CAPN10: variants seen among roughly 807,000 people sequenced by gnomAD.
CAPN10 encodes calpain-10.
In CAPN10, 71 loss-of-function variants were observed where a neutral mutation model predicts 78.4. The observed-to-expected ratio is 0.91, with a 90% CI of 0.75 to 1.10. The LOEUF is 1.10. Ranked by LOEUF, CAPN10 falls within the 50% of genes least tolerant of loss-of-function variation. CAPN10 has a pLI of 0.00. For synonymous variants in CAPN10, 437 were observed against 407.2 expected (o/e 1.07, Z -0.88); for missense variants, 849 against 924.6 (o/e 0.92, Z 1.06).
chr2:240,598,189 G>A, intron 10 of CAPN10, 102 bp downstream of exon 10: 1 of 1,332,766 alleles, frequency 7.5e-7, no homozygotes, highest in East Asian at 2.4e-5. Context: ...TCACCCTCAA[G>A]CCCCTATCTG....
Position 240,598,652 on chromosome 2 carries a change from T to C in CAPN10, c.1991T>C (p.Val664Ala). 1.9e-6 allele frequency: 3 copies of C among 1,578,720 alleles called. No individual in the cohort carries two copies. The highest frequency in any genetic ancestry group is 2.6e-6 in the Non-Finnish European group (3 of 1,162,936). The change falls in exon 12 of 12, where the codon GTC becomes GCC. Residue 664 changes from valine to alanine, a missense_variant and splice_region_variant. Coordinates refer to ENST00000391984, the MANE Select transcript of CAPN10 (RefSeq NM_023083.4). ...QEMLGQFLQE[V>A]SIMAVMKT ...CGGGCCCCCCATCTGTCTTTGCAGG[T>C]CTCCATCATGGCAGTGATGAAAACC...
intron 4 of CAPN10, among the ~76,000 whole-genome samples, chr2:240,593,694 G>A (rs1321286689): frequency 3.3e-5 from 5 of 152,208 alleles, no homozygotes; most frequent in Admixed American, 6.5e-5. Context: ...GTCAGGCCCC[G>A]TGTGCTTGCT....
At chr2:240,597,650 G>T (rs2093145553) in intron 9 of CAPN10, among the ~76,000 whole-genome samples, 8 of 152,206 alleles carry the variant, frequency 5.3e-5, no homozygotes, top group Admixed American at 5.2e-4. Flanking sequence ...AGTCACAGGT[G>T]TTAAAGCCCC....
intron 9 of CAPN10, among the ~76,000 whole-genome samples, chr2:240,597,543 A>G (rs1192616055): frequency 6.6e-6 from 1 of 151,994 alleles, no homozygotes; most frequent in African/African-American, 2.4e-5. Context: ...GGACCCTTGG[A>G]CCCTCGCTGT....
chr2:240,592,052 A>C lies in CAPN10; in HGVS notation c.590A>C (p.Gln197Pro). Residue 197 changes from glutamine to proline, a missense_variant, in exon 4 of 12, where the codon CAG becomes CCG. Gln to Pro is a moderately conservative substitution (Grantham distance 76). Transcript: ENST00000391984. ...LKGVAGSGGQ[Q>P]DRPGRWEHRT... is the part of the protein sequence containing the mutation. The stretch of plus-strand genomic sequence containing the variant: ...GGCGTAGCAGGAAGCGGAGGCCAGC[A>C]GGACAGGCCAGGCCGCTGGGAGCAC... 1 of 1,611,058 alleles carries C rather than the reference A, an allele frequency of 6.2e-7. No homozygotes were observed. The highest frequency in any genetic ancestry group is 1.1e-5 in the South Asian group (1 of 90,522).
At chr2:240,595,922 G>A (rs1455423791) in intron 7 of CAPN10, 1 of 1,334,086 alleles carries the variant, frequency 7.5e-7, no homozygotes, top group Non-Finnish European at 9.9e-7. Context: ...TTCATCTTGT[G>A]TGTCTTGACA....
Position 240,586,838 on chromosome 2 carries a change from C to G in CAPN10, c.-74C>G, listed in dbSNP as rs2093070848. The G allele has an allele frequency of 7.8e-7, 1 of 1,275,754 alleles. No homozygotes were observed. The highest frequency in any genetic ancestry group is 4.2e-5 in the Admixed American group (1 of 23,622). 79.0% of individuals were successfully genotyped at this position (1,275,754 alleles called of 1,614,324 possible). On this transcript the variant is annotated 5_prime_UTR_variant, in exon 1 of 12. Transcript: ENST00000391984. ...GGGCGGGGCGGGCCGGAGGCGGCGG[C>G]GGCTGACTCGCCTTCTCTCCGGGGC...
intron 9 of CAPN10, 93 bp downstream of exon 9, chr2:240,597,035 G>C: frequency 1.3e-6 from 2 of 1,508,638 alleles, no homozygotes; most frequent in Non-Finnish European, 1.8e-6. Context: ...AGGGCTCTGG[G>C]CTCAGTCACT....
intron 1 of CAPN10, 109 bp downstream of exon 1, chr2:240,587,161 C>G (rs945127512): frequency 1.4e-5 from 8 of 555,726 alleles, no homozygotes; most frequent in Middle Eastern, 5.1e-4. Context: ...ACGCAGGGTC[C>G]GCCGTTGTTC....
Position 240,597,512 on chromosome 2 carries a change from G to A in CAPN10, c.1744-376G>A, listed in dbSNP as rs887687992. ...TGACGAGGAAGGCACTGCAACCCTC[G>A]GTTCACAGTGGGCTGCCTGGGGACC... On this transcript the variant is annotated intron_variant, in intron 9 of 11. Transcript: ENST00000391984. 5.9e-5 allele frequency among the ~76,000 whole-genome samples: 9 copies of A among 152,288 alleles called. No individual in the cohort carries two copies. The South Asian group carries it at 6.2e-4, about 11-fold the overall frequency.
rs763257442 is a variant in CAPN10 at position 240,590,889 on chromosome 2, T to C, written c.348T>C (p.Phe116=). The part of the protein sequence containing the change: ...RGSFTCRIWQ[F]GRWVEVTTDD... ...CCTTCACCTGTCGCATTTGGCAGTT[T>C]GGACGCTGGGTGGAGGTGACCACAG... The change falls in exon 3 of 12, where the codon TTT becomes TTC. Residue 116 remains phenylalanine (F), a synonymous_variant. Coordinates refer to ENST00000391984, the MANE Select transcript of CAPN10 (RefSeq NM_023083.4). 1.1e-5 allele frequency: 17 copies of C among 1,614,224 alleles called. No homozygotes were observed. Among genetic ancestry groups the C allele is most frequent in the Non-Finnish European group, 1.2e-5 (14 of 1,180,036 alleles).
In CAPN10 at chr2:240,598,731, A is replaced by G. The variant is rs1364306471; in HGVS notation, c.*51A>G. 3 of 1,529,892 alleles carry G rather than the reference A, an allele frequency of 2.0e-6. No homozygotes were observed. The highest frequency in any genetic ancestry group is 3.9e-5 in the Admixed American group (2 of 51,170). The allele number at this position is 1,529,892 out of a possible 1,614,324, so 94.8% of individuals were successfully genotyped here. A position where few individuals can be genotyped will look rare whatever the true frequency, so the allele number is the denominator to read the frequency against. ...GGTGACTGGAGCCCGAGGGCCTGAC[A>G]GGTTCCCAGCAGCTGGGCCGGCCAG... On this transcript the variant is annotated 3_prime_UTR_variant, in exon 12 of 12. Transcript: ENST00000391984.
intron 7 of CAPN10, chr2:240,595,855 G>C: frequency 9.6e-7 from 1 of 1,038,694 alleles, no homozygotes; most frequent in Non-Finnish European, 1.3e-6. Flanking sequence ...GCGCCTGAGG[G>C]CAAAGGGCCT....
rs2125462052 is a variant in CAPN10, at chr2:240,594,011, G to A, written c.794G>A (p.Trp265Ter). 6.2e-7 allele frequency: 1 copy of A among 1,610,334 alleles called. No individual in the cohort carries two copies. Among genetic ancestry groups the A allele is most frequent in the East Asian group, 2.2e-5 (1 of 44,794 alleles). Residue 265 changes from tryptophan to a stop codon, truncating the protein, a stop_gained, in exon 5 of 12, where the codon TGG (tryptophan) becomes TAG (stop). Coordinates refer to ENST00000391984, the MANE Select transcript of CAPN10 (RefSeq NM_023083.4). LOFTEE classifies it high-confidence loss of function. ...CILLLRIQNP[W>*]GRRCWQGLWR... ...CTGCTGCTGCGGATCCAGAACCCCT[G>A]GGGCCGGCGGTGCTGGCAGGGGCTC...
chr2:240,598,492 G>T, intron 11 of CAPN10, 95 bp downstream of exon 11: 1 of 1,494,814 alleles, frequency 6.7e-7, no homozygotes, highest in Non-Finnish European at 9.3e-7. Flanking sequence ...TTTCTGCCTG[G>T]GACGTGAGGT....
chr2:240,598,182 C>G, intron 10 of CAPN10, 95 bp downstream of exon 10: 5 of 1,342,462 alleles, frequency 3.7e-6, no homozygotes, highest in Non-Finnish European at 5.2e-6. Flanking sequence ...CTGCCCCTCA[C>G]CCTCAAGCCC....
At position 240,592,582 on chromosome 2, in the gene CAPN10, G is replaced by A. The variant is rs2093109420; in HGVS notation, c.688+432G>A. ...CCAGAACTTTGGGAGGCTGAGGTGGGAGTATCGCTGGAGCCCAGGAGTTCA... is the reference window on the plus strand; with the variant it reads ...CCAGAACTTTGGGAGGCTGAGGTGGAAGTATCGCTGGAGCCCAGGAGTTCA... On this transcript the variant is annotated intron_variant, in intron 4 of 11. Transcript: ENST00000391984. The A allele has an allele frequency of 1.5e-5, 7 of 456,326 alleles. No individual in the cohort carries two copies. In the Admixed American group the frequency reaches 1.7e-4, roughly 11 times the overall value. 28.3% of individuals were successfully genotyped at this position (456,326 alleles called of 1,614,324 possible). A position where few individuals can be genotyped will look rare whatever the true frequency, so the allele number is the denominator to read the frequency against.
Position 240,596,623 on chromosome 2 carries a change from G to A in CAPN10, c.1482-58G>A, listed in dbSNP as rs2093138546. On this transcript the variant is annotated intron_variant, in intron 8 of 11. Coordinates refer to ENST00000391984, the MANE Select transcript of CAPN10 (RefSeq NM_023083.4). The stretch of plus-strand genomic sequence containing the variant: ...CTGTGGTTGGCAGGTGTCCATGTGG[G>A]AACTGAGGCCACCGGGAACCTGCTG... 3 of 1,533,618 alleles carry A rather than the reference G, an allele frequency of 2.0e-6. No homozygotes were observed. The Admixed American group carries it at 6.0e-5, about 31-fold the overall frequency.
chr2:240,594,270 A>G (rs1433044163), intron 5 of CAPN10: 3 of 584,284 alleles, frequency 5.1e-6, no homozygotes, highest in Non-Finnish European at 8.9e-6. Flanking sequence ...TAGGGCAGAC[A>G]TCATCACGGG....
Sources: gnomAD v4.1 joint callset for allele counts (sites outside exome capture counted in the v4.1 genomes callset) on GRCh38, gnomAD v4.1.1 for gene constraint, MANE v1.5 for transcripts, NCBI Gene and HGNC (gene_info 2026-07-23, HGNC 2026-07-21) for gene names.